The following FERMT2 variants were observed in gnomAD, a reference collection of about 807,000 sequenced individuals.
The protein encoded by FERMT2 is FERM domain containing kindlin 2, also known as fermitin family homolog 2.
Under a neutral mutation model 82.7 loss-of-function variants are expected in FERMT2, and 15 were observed. The ratio of observed to expected loss-of-function variants is 0.18; its 90% CI spans 0.12 to 0.28. The LOEUF (loss-of-function observed/expected upper bound fraction) is 0.28, where lower values mean the gene tolerates loss of function less well. Ranked by LOEUF, FERMT2 falls within the 10% of genes least tolerant of loss-of-function variation. FERMT2 has a pLI of 1.00. For missense variants in FERMT2, 645 were observed against 809.4 expected, an observed-to-expected ratio of 0.80 and a Z score of 2.46; for synonymous variants, 274 against 271.5, an observed-to-expected ratio of 1.01 and a Z score of -0.09.
intron 2 of FERMT2, among the ~76,000 whole-genome samples, chr14:52,921,235 T>G (rs1381921777): frequency 6.6e-6 from 1 of 152,164 alleles, no homozygotes; most frequent in Non-Finnish European, 1.5e-5. Context: ...ATGCCACAGG[T>G]AGAAAAAGAC....
Position 52,875,322 on chromosome 14 carries a change from C to T in FERMT2, c.999G>A (p.Glu333=). 1 of 1,609,986 alleles carries T rather than the reference C, an allele frequency of 6.2e-7. No individual in the cohort carries two copies. Among genetic ancestry groups the T allele is most frequent in the Non-Finnish European group, 8.5e-7 (1 of 1,176,686 alleles). ...HINKLSIMTS[E]NHLNNSDKEV... is the part of the protein sequence containing the mutation. ...CTTTGTCACTGTTGTTCAAATGATTCTCTGATGTCATGATTGACAGCTTAT... is the reference window on the plus strand; with the variant it reads ...CTTTGTCACTGTTGTTCAAATGATTTTCTGATGTCATGATTGACAGCTTAT... Residue 333 remains glutamate, a synonymous_variant, in exon 8 of 15, where the codon GAG becomes GAA. Coordinates refer to ENST00000341590, the MANE Select transcript of FERMT2 (RefSeq NM_006832.3).
intron 14 of FERMT2, 59 bp from the exon 15 acceptor site, chr14:52,858,609 C>CAAAACTACTGTGCTACTTAA: frequency 6.7e-7 from 1 of 1,496,240 alleles, no homozygotes; most frequent in Non-Finnish European, 9.2e-7. Context: ...TGGGTCCACA[C>CAAAACTACTGTGCTACTTAA]AAAACTACTG....
At chr14:52,943,999 C>A (rs1339211962) in intron 2 of FERMT2, among the ~76,000 whole-genome samples, 1 of 152,064 alleles carries the variant, frequency 6.6e-6, no homozygotes, top group African/African-American at 2.4e-5. Context: ...CTTTAAAAAA[C>A]TGGGTATAAA....
In FERMT2 at chr14:52,874,163, CT is replaced by C; in HGVS notation, c.1148+13del. On this transcript the variant is annotated intron_variant, in intron 9 of 14. Transcript: ENST00000341590. ...CAGTTATTAATATTTGGCATCCCTC[CT>C]TTTTGTACTTACTTGAAAACTTTAA... 6.4e-7 allele frequency: 1 copy of C among 1,554,128 alleles called. No homozygotes were observed. Among genetic ancestry groups the C allele is most frequent in the Non-Finnish European group, 8.8e-7 (1 of 1,138,114 alleles).
intron 7 of FERMT2, among the ~76,000 whole-genome samples, chr14:52,876,343 G>C (rs185725969): frequency 1.3e-5 from 2 of 152,202 alleles, no homozygotes; most frequent in Non-Finnish European, 2.9e-5. Flanking sequence ...ATGAGGTAGA[G>C]GTTGAGGCCC....
At chr14:52,860,500 CATT>C in intron 12 of FERMT2, 35 bp from the exon 13 acceptor site, 1 of 1,581,376 alleles carries the variant, frequency 6.3e-7, no homozygotes, top group Non-Finnish European at 8.6e-7. Context: ...TACCATTGAA[CATT>C]ATTCTCTCAT....
intron 1 of FERMT2, 33 bp from the exon 2 acceptor site, chr14:52,950,610 G>C: frequency 6.2e-7 from 1 of 1,602,636 alleles, no homozygotes; most frequent in East Asian, 2.3e-5. Context: ...TCTCGTAAGC[G>C]TCACTCCCCC....
intron 3 of FERMT2, among the ~76,000 whole-genome samples, chr14:52,897,179 TA>T (rs1887334143): frequency 6.6e-6 from 1 of 152,192 alleles, no homozygotes; most frequent in Non-Finnish European, 1.5e-5. Context: ...GAAACATGAC[TA>T]GCAAATCATT....
chr14:52,945,433 G>A (rs1890297648), intron 2 of FERMT2, among the ~76,000 whole-genome samples: 2 of 150,994 alleles, frequency 1.3e-5, no homozygotes. Flanking sequence ...TTGTAATTTT[G>A]GTAGAGACGG....
intron 2 of FERMT2, among the ~76,000 whole-genome samples, chr14:52,937,174 A>G (rs1054408445): frequency 2.0e-5 from 3 of 151,976 alleles, no homozygotes; most frequent in Non-Finnish European, 4.4e-5. Context: ...AATAATAATA[A>G]TAATAATGAT....
At chr14:52,950,197 T>A (rs575824964) in intron 2 of FERMT2, among the ~76,000 whole-genome samples, 1 of 152,192 alleles carries the variant, frequency 6.6e-6, no homozygotes, top group Non-Finnish European at 1.5e-5. Flanking sequence ...GAGGCTCGAA[T>A]CATTACATAT....
chr14:52,860,337 T>C lies in FERMT2; in HGVS notation c.1727+4A>G. On this transcript the variant is annotated splice_donor_region_variant and intron_variant, in intron 13 of 14. Transcript: ENST00000341590. ...TTTACACATAGATGCTTAGAACCAC[T>C]GACCTTGCAATGAAGTGAGTGATGC... 1 of 1,613,596 alleles carries C rather than the reference T, an allele frequency of 6.2e-7. No individual in the cohort carries two copies. The highest frequency in any genetic ancestry group is 8.5e-7 in the Non-Finnish European group (1 of 1,179,812).
At chr14:52,912,285 G>A (rs954421385) in intron 3 of FERMT2, among the ~76,000 whole-genome samples, 6 of 152,026 alleles carry the variant, frequency 3.9e-5, no homozygotes, top group African/African-American at 7.2e-5. Context: ...TTAGTTCTTG[G>A]AGTATTCTCT....
chr14:52,866,793 A>G (rs539129648), intron 10 of FERMT2, among the ~76,000 whole-genome samples: 1 of 152,146 alleles, frequency 6.6e-6, no homozygotes, highest in Non-Finnish European at 1.5e-5. Flanking sequence ...AGTTAAGTCC[A>G]TCCATTTCCT....
intron 13 of FERMT2, 35 bp from the exon 14 acceptor site, chr14:52,859,749 G>C: frequency 7.4e-7 from 1 of 1,353,890 alleles, no homozygotes; most frequent in Non-Finnish European, 1.0e-6. Context: ...TTAAAAACAT[G>C]TTGTGGGGGA....
intron 6 of FERMT2, among the ~76,000 whole-genome samples, chr14:52,879,060 T>C (rs1390889066): frequency 6.6e-6 from 1 of 152,178 alleles, no homozygotes; most frequent in Non-Finnish European, 1.5e-5. Flanking sequence ...TACCGATTAT[T>C]TTTCAGTGTT....
chr14:52,948,641 A>G (rs17125973), intron 2 of FERMT2: 131,282 of 450,572 alleles, frequency 0.29, 20,189 homozygotes, highest in East Asian at 0.38. Context: ...CATTTAAATT[A>G]ACATCATTTC....
intron 2 of FERMT2, among the ~76,000 whole-genome samples, chr14:52,921,462 A>G (rs1219690216): frequency 6.6e-6 from 1 of 152,224 alleles, no homozygotes; most frequent in Non-Finnish European, 1.5e-5. Flanking sequence ...TTAATTGTAT[A>G]TAGTACCCTA....
intron 2 of FERMT2, among the ~76,000 whole-genome samples, chr14:52,926,293 T>C (rs775205804): frequency 3.3e-4 from 50 of 152,280 alleles, no homozygotes; most frequent in Admixed American, 5.2e-4. Context: ...TTTGGAAAAC[T>C]TTCCATACAG....
Sources: gnomAD v4.1 joint callset for allele counts (sites outside exome capture counted in the v4.1 genomes callset) on GRCh38, gnomAD v4.1.1 for gene constraint, MANE v1.5 for transcripts, NCBI Gene and HGNC (gene_info 2026-07-23, HGNC 2026-07-21) for gene names.